The following UNC5C variants were observed in gnomAD, a reference collection of about 807,000 sequenced individuals.
UNC5C encodes the protein unc-5 netrin receptor C.
In UNC5C, 47 loss-of-function variants were observed where a neutral mutation model predicts 99.8. That is an observed-to-expected ratio of 0.47 (90% CI 0.37 to 0.60). The LOEUF is 0.60. UNC5C is among the 20% of genes least tolerant of loss of function. UNC5C has a pLI of 0.00. For missense variants in UNC5C, 1,062 were observed against 1,165.9 expected (o/e 0.91, Z 1.30); for synonymous variants, 487 against 452.2 (o/e 1.08, Z -0.98).
At chr4:95,425,983 A>G (rs1166138407) in intron 1 of UNC5C, among the ~76,000 whole-genome samples, 1 of 152,162 alleles carries the variant, frequency 6.6e-6, no homozygotes, top group Non-Finnish European at 1.5e-5. Flanking sequence ...TTCATTCGGT[A>G]TCATCCATAC....
At chr4:95,445,410 G>A (rs1027048502) in intron 1 of UNC5C, among the ~76,000 whole-genome samples, 3 of 151,644 alleles carry the variant, frequency 2.0e-5, no homozygotes, top group Non-Finnish European at 4.4e-5. Context: ...TTTCTGTTCC[G>A]TTCGGATTCA....
rs1277737947 is a variant in UNC5C at position 95,216,116 on chromosome 4, A to G, written c.1733+8T>C. 3.1e-6 allele frequency: 5 copies of G among 1,610,660 alleles called. No homozygotes were observed. Among genetic ancestry groups the G allele is most frequent in the Non-Finnish European group, 3.4e-6 (4 of 1,177,668 alleles). Reference sequence around the variant, plus strand: ...GTAAAGTCAGTGCACCAGAAAAAGCATATTTACCTCATAGTTTCTTTCCTG... The same window carrying G: ...GTAAAGTCAGTGCACCAGAAAAAGCGTATTTACCTCATAGTTTCTTTCCTG... On this transcript the variant is annotated splice_region_variant and intron_variant, in intron 10 of 15. Coordinates refer to ENST00000453304, the MANE Select transcript of UNC5C (RefSeq NM_003728.4).
chr4:95,336,351 C>T (rs989602699), intron 1 of UNC5C, among the ~76,000 whole-genome samples: 2 of 151,774 alleles, frequency 1.3e-5, no homozygotes, highest in Non-Finnish European at 2.9e-5. Flanking sequence ...ATAAGTTCAG[C>T]CTAATAATAA....
chr4:95,390,499 C>T (rs1745325555), intron 1 of UNC5C, among the ~76,000 whole-genome samples: 1 of 151,886 alleles, frequency 6.6e-6, no homozygotes, highest in Non-Finnish European at 1.5e-5. Flanking sequence ...CACAAGCAAA[C>T]AAATGAAATG....
At chr4:95,195,503 G>A (rs1242022109) in intron 12 of UNC5C, among the ~76,000 whole-genome samples, 2 of 152,156 alleles carry the variant, frequency 1.3e-5, no homozygotes, top group Non-Finnish European at 2.9e-5. Flanking sequence ...GAGTAGGTAT[G>A]GATACTAGGA....
intron 1 of UNC5C, among the ~76,000 whole-genome samples, chr4:95,458,903 C>A (rs1747518603): frequency 1.3e-5 from 2 of 151,898 alleles, no homozygotes; most frequent in South Asian, 4.2e-4. Flanking sequence ...TAACTTACCC[C>A]AAGCCTTATC....
At chr4:95,201,563 C>T (rs1050782620) in intron 12 of UNC5C, among the ~76,000 whole-genome samples, 1 of 152,066 alleles carries the variant, frequency 6.6e-6, no homozygotes, top group African/African-American at 2.4e-5. Context: ...AAATTCCTAT[C>T]TATTATTCTA....
chr4:95,203,032 G>C (rs1400610075), intron 11 of UNC5C, 68 bp from the exon 12 acceptor site: 28 of 1,441,826 alleles, frequency 1.9e-5, no homozygotes, highest in Non-Finnish European at 2.6e-5. Flanking sequence ...AGGGATGGTG[G>C]TGAATGGTGA....
At chr4:95,342,034 TG>T (rs1743598939) in intron 1 of UNC5C, among the ~76,000 whole-genome samples, 1 of 152,128 alleles carries the variant, frequency 6.6e-6, no homozygotes, top group African/African-American at 2.4e-5. Flanking sequence ...CTTGCCACCA[TG>T]GGCTAAGGGC....
In UNC5C at chr4:95,253,595, T is replaced by C. The variant is rs114719182; in HGVS notation, c.595-2928A>G. ...CCCACTTGAATCACAGAAACTCTGC[T>C]TTTATCTGTTTTCCATACTGGATTT... On this transcript the variant is annotated intron_variant, in intron 4 of 15. Transcript: ENST00000453304. Among the ~76,000 whole-genome samples, 473 of 152,242 alleles carry C rather than the reference T, an allele frequency of 3.1e-3. 2 individuals carry two copies. The highest frequency in any genetic ancestry group is 0.011 in the African/African-American group (437 of 41,550).
intron 1 of UNC5C, among the ~76,000 whole-genome samples, chr4:95,535,724 T>C (rs940388801): frequency 5.9e-5 from 9 of 152,192 alleles, no homozygotes; most frequent in Non-Finnish European, 8.8e-5. Flanking sequence ...CAGATGAATA[T>C]ATTTGGTTGT....
At chr4:95,490,121 G>A (rs534449791) in intron 1 of UNC5C, among the ~76,000 whole-genome samples, 19 of 151,566 alleles carry the variant, frequency 1.3e-4, no homozygotes, top group African/African-American at 4.1e-4. Context: ...AGAAAGAGAC[G>A]GACAGATCTG....
At chr4:95,445,615 T>C (rs1206961530) in intron 1 of UNC5C, among the ~76,000 whole-genome samples, 2 of 152,166 alleles carry the variant, frequency 1.3e-5, no homozygotes, top group South Asian at 2.1e-4. Context: ...TTGGCAATAA[T>C]ATGTCTAGTA....
chr4:95,228,064 T>C (rs1047267717), intron 7 of UNC5C, among the ~76,000 whole-genome samples: 1 of 152,184 alleles, frequency 6.6e-6, no homozygotes, highest in Admixed American at 6.5e-5. Context: ...CCTTGGTGTT[T>C]ACACTGAAGG....
intron 1 of UNC5C, among the ~76,000 whole-genome samples, chr4:95,471,726 G>A (rs1747974576): frequency 6.6e-6 from 1 of 152,114 alleles, no homozygotes; most frequent in African/African-American, 2.4e-5. Flanking sequence ...CAGTTTTGAG[G>A]GGATGCCCCT....
intron 14 of UNC5C, among the ~76,000 whole-genome samples, chr4:95,175,341 A>G (rs1252086632): frequency 2.7e-4 from 41 of 151,138 alleles, no homozygotes; most frequent in Non-Finnish European, 4.3e-4. Flanking sequence ...CCTAGTCTCA[A>G]TGGTCTTTAC....
intron 1 of UNC5C, among the ~76,000 whole-genome samples, chr4:95,503,408 A>G (rs1269964186): frequency 6.6e-6 from 1 of 152,148 alleles, no homozygotes; most frequent in Admixed American, 6.6e-5. Context: ...AACTAAGACA[A>G]TATGTCACCC....
intron 1 of UNC5C, among the ~76,000 whole-genome samples, chr4:95,337,047 C>T (rs535912084): frequency 6.6e-6 from 1 of 152,016 alleles, no homozygotes; most frequent in Non-Finnish European, 1.5e-5. Context: ...ACAAATCCAT[C>T]AGCATGAAAC....
rs190676743 is a variant in UNC5C at position 95,476,132 on chromosome 4, A to C, written c.124+72602T>G. Reference sequence around the variant, plus strand: ...TACTTCAAATATATCATTTGATCTAACTCCATTTCTTGGCCTTTCCTTTTA... The same window carrying C: ...TACTTCAAATATATCATTTGATCTACCTCCATTTCTTGGCCTTTCCTTTTA... On this transcript the variant is annotated intron_variant, in intron 1 of 15. Transcript: ENST00000453304. 6.9e-4 allele frequency among the ~76,000 whole-genome samples: 105 copies of C among 152,180 alleles called. 1 individual carries two copies. The Middle Eastern group carries it at 0.017, about 25-fold the overall frequency.
Sources: allele counts gnomAD v4.1 joint callset (sites outside exome capture counted in the v4.1 genomes callset), GRCh38; gene constraint gnomAD v4.1.1; transcripts MANE v1.5; gene names NCBI Gene and HGNC (gene_info 2026-07-23, HGNC 2026-07-21).